CAMK1D: variants seen among roughly 807,000 people sequenced by gnomAD.
The protein encoded by CAMK1D is calcium/calmodulin dependent protein kinase ID, also known as calcium/calmodulin-dependent protein kinase type 1D.
Under a neutral mutation model 47.7 loss-of-function variants are expected in CAMK1D, and 9 were observed. The ratio of observed to expected loss-of-function variants is 0.19; its 90% CI spans 0.11 to 0.33. The LOEUF (loss-of-function observed/expected upper bound fraction) is 0.33, where lower values mean the gene tolerates loss of function less well. Ranked by LOEUF, CAMK1D falls within the 10% of genes least tolerant of loss-of-function variation. CAMK1D has a pLI of 1.00. For missense variants in CAMK1D, 291 were observed against 488.7 expected (o/e 0.60, Z 3.81); for synonymous variants, 184 against 184.9 (o/e 0.99, Z 0.04).
chr10:12,736,146 G>A (rs866615811), intron 3 of CAMK1D, among the ~76,000 whole-genome samples: 1 of 152,244 alleles, frequency 6.6e-6, no homozygotes, highest in African/African-American at 2.4e-5. Context: ...GAGAGCCTCT[G>A]ATGGTTGCTC....
intron 4 of CAMK1D, among the ~76,000 whole-genome samples, chr10:12,767,358 G>C (rs11257981): frequency 4.0e-5 from 6 of 151,854 alleles, no homozygotes; most frequent in African/African-American, 1.5e-4. Context: ...TGTATTTTTA[G>C]TAGAGACGGG....
chr10:12,693,487 A>AC (rs1424587422), intron 3 of CAMK1D, among the ~76,000 whole-genome samples: 4 of 151,974 alleles, frequency 2.6e-5, no homozygotes, highest in African/African-American at 9.7e-5. Context: ...AACCAAGCAA[A>AC]CAAAAAAAAG....
chr10:12,789,163 G>A lies in CAMK1D; in HGVS notation c.566-1995G>A, dbSNP rs191187247. Among the ~76,000 whole-genome samples, 704 of 152,334 alleles carry A rather than the reference G, an allele frequency of 4.6e-3. 2 individuals are homozygous for A. Among genetic ancestry groups the A allele is most frequent in the African/African-American group, 0.016 (674 of 41,572 alleles). ...CAACCCCCGGAGGACAGCTGTGAGT[G>A]TGACCCAACACAAATTCGTAAATTT... On this transcript the variant is annotated intron_variant, in intron 5 of 10. Transcript: ENST00000619168.
At chr10:12,431,756 G>T (rs899752626) in intron 1 of CAMK1D, among the ~76,000 whole-genome samples, 5 of 152,206 alleles carry the variant, frequency 3.3e-5, no homozygotes, top group Non-Finnish European at 7.3e-5. Flanking sequence ...TCCCTGAAGG[G>T]ATTACTGGGA....
At chr10:12,530,105 C>T (rs1835756175) in intron 1 of CAMK1D, among the ~76,000 whole-genome samples, 1 of 152,204 alleles carries the variant, frequency 6.6e-6, no homozygotes, top group Non-Finnish European at 1.5e-5. Context: ...AATAGTATCC[C>T]TGTTCTGTGT....
At chr10:12,644,524 A>C (rs1402978562) in intron 2 of CAMK1D, among the ~76,000 whole-genome samples, 1 of 152,110 alleles carries the variant, frequency 6.6e-6, no homozygotes, top group Non-Finnish European at 1.5e-5. Context: ...GGCTCTTCTT[A>C]GTTTTCTCTC....
At chr10:12,638,977 G>A (rs1430326925) in intron 2 of CAMK1D, among the ~76,000 whole-genome samples, 1 of 152,146 alleles carries the variant, frequency 6.6e-6, no homozygotes, top group Non-Finnish European at 1.5e-5. Flanking sequence ...TCTCCTCTTG[G>A]AATGTCGTCT....
At chr10:12,790,518 G>A (rs1490009401) in intron 5 of CAMK1D, among the ~76,000 whole-genome samples, 1 of 152,172 alleles carries the variant, frequency 6.6e-6, no homozygotes, top group Non-Finnish European at 1.5e-5. Context: ...TTGTGTTACA[G>A]TGCTTAGTAC....
At chr10:12,679,818 C>T (rs1287296813) in intron 3 of CAMK1D, among the ~76,000 whole-genome samples, 1 of 152,204 alleles carries the variant, frequency 6.6e-6, no homozygotes, top group Non-Finnish European at 1.5e-5. Context: ...CAGTCCCGCC[C>T]AGCACCCGGG....
At chr10:12,454,517 G>A (rs948891844) in intron 1 of CAMK1D, among the ~76,000 whole-genome samples, 7 of 150,824 alleles carry the variant, frequency 4.6e-5, no homozygotes, top group African/African-American at 1.7e-4. Flanking sequence ...GGTTAAGAGT[G>A]CCGTGGCACA....
intron 1 of CAMK1D, among the ~76,000 whole-genome samples, chr10:12,530,609 A>G (rs917353748): frequency 6.6e-6 from 1 of 152,204 alleles, no homozygotes; most frequent in Non-Finnish European, 1.5e-5. Flanking sequence ...ATCTTGGAGA[A>G]TTGACGGGGA....
chr10:12,473,283 A>G (rs1020845888), intron 1 of CAMK1D, among the ~76,000 whole-genome samples: 8 of 152,090 alleles, frequency 5.3e-5, no homozygotes, highest in South Asian at 2.1e-4. Flanking sequence ...AATCATAACA[A>G]TAGTGAACTG....
chr10:12,795,863 A>G (rs1045804461), intron 6 of CAMK1D, among the ~76,000 whole-genome samples: 21 of 152,172 alleles, frequency 1.4e-4, no homozygotes, highest in African/African-American at 4.6e-4. Context: ...TAGGACTTGC[A>G]AAAAACATCT....
intron 2 of CAMK1D, among the ~76,000 whole-genome samples, chr10:12,580,728 A>C (rs2132337424): frequency 6.6e-6 from 1 of 152,286 alleles, no homozygotes; most frequent in African/African-American, 2.4e-5. Flanking sequence ...TCCTATGGGG[A>C]ACCCCAGGAA....
rs1833246610 is a variant in CAMK1D, at chr10:12,695,401, C to A, written c.299+28591C>A. 3.3e-5 allele frequency among the ~76,000 whole-genome samples: 5 copies of A among 152,126 alleles called. No individual in the cohort carries two copies. The South Asian group carries it at 1.0e-3, about 32-fold the overall frequency. Reference sequence around the variant, plus strand: ...ATGTCCTGCCTCCACAGCCTCTGTCCCCAAGGCGTGCCCTTCATAGGCCAG... The same window carrying A: ...ATGTCCTGCCTCCACAGCCTCTGTCACCAAGGCGTGCCCTTCATAGGCCAG... On this transcript the variant is annotated intron_variant, in intron 3 of 10. Transcript: ENST00000619168.
chr10:12,669,591 T>C (rs945942143), intron 3 of CAMK1D, among the ~76,000 whole-genome samples: 4 of 152,170 alleles, frequency 2.6e-5, no homozygotes, highest in African/African-American at 7.2e-5. Context: ...ACTTCAGTGA[T>C]GAACGTGAGA....
At chr10:12,624,680 T>G (rs527664052) in intron 2 of CAMK1D, among the ~76,000 whole-genome samples, 2 of 152,316 alleles carry the variant, frequency 1.3e-5, no homozygotes, top group Admixed American at 1.3e-4. Flanking sequence ...ACTGTGAACC[T>G]CCTTCCTTTC....
intron 1 of CAMK1D, among the ~76,000 whole-genome samples, chr10:12,424,935 A>G (rs1204193404): frequency 6.6e-6 from 1 of 152,170 alleles, no homozygotes; most frequent in African/African-American, 2.4e-5. Flanking sequence ...CAGCCCTGGT[A>G]TATATAATTT....
chr10:12,689,043 C>T (rs1356633761), intron 3 of CAMK1D, among the ~76,000 whole-genome samples: 1 of 152,228 alleles, frequency 6.6e-6, no homozygotes, highest in African/African-American at 2.4e-5. Flanking sequence ...ATTAAGTTCC[C>T]TTCTCTTCAG....
Sources: allele counts gnomAD v4.1 joint callset (sites outside exome capture counted in the v4.1 genomes callset), GRCh38; gene constraint gnomAD v4.1.1; transcripts MANE v1.5; gene names NCBI Gene and HGNC (gene_info 2026-07-23, HGNC 2026-07-21).